ANK3: variants seen among roughly 807,000 people sequenced by gnomAD.
ANK3 encodes ankyrin-3.
Under a neutral mutation model 370.9 loss-of-function variants are expected in ANK3, and 57 were observed. That is an observed-to-expected ratio of 0.15 (90% CI 0.12 to 0.19). The LOEUF is 0.19. ANK3 is among the 10% of genes least tolerant of loss of function. The pLI is 1.00. For missense variants in ANK3, 4,439 were observed against 5,302.1 expected (o/e 0.84, Z 5.06); for synonymous variants, 1,929 against 1,946.3 (o/e 0.99, Z 0.23).
chr10:60,166,858 C>T lies in ANK3; in HGVS notation c.2517G>A (p.Thr839=), dbSNP rs374626133. The change falls in exon 22 of 44, where the codon ACG becomes ACA. Residue 839 remains threonine (T), a synonymous_variant. Coordinates refer to ENST00000280772, the MANE Select transcript of ANK3 (RefSeq NM_020987.5). The part of the protein sequence containing the change: ...TEKHKMNVPE[T]MNEVLDMSDD... Reference sequence around the variant, plus strand: ...CAGACATATCAAGAACTTCATTCATCGTTTCTGGAACATTCATTTTGTGCT... The same window carrying T: ...CAGACATATCAAGAACTTCATTCATTGTTTCTGGAACATTCATTTTGTGCT... The T allele has an allele frequency of 1.4e-5, 23 of 1,613,828 alleles. No homozygotes were observed. The highest frequency in any genetic ancestry group is 9.3e-5 in the African/African-American group (7 of 74,908).
At chr10:60,035,521 G>A (rs964528877) in intron 43 of ANK3, among the ~76,000 whole-genome samples, 13 of 151,764 alleles carry the variant, frequency 8.6e-5, no homozygotes, top group Non-Finnish European at 1.8e-4. Flanking sequence ...CCGAAGTGCT[G>A]GGATTACAGG....
intron 1 of ANK3, among the ~76,000 whole-genome samples, chr10:60,698,374 C>T (rs1174368673): frequency 6.6e-6 from 1 of 151,640 alleles, no homozygotes; most frequent in Non-Finnish European, 1.5e-5. Flanking sequence ...ACTAGAAATA[C>T]CATTTGACCC....
intron 11 of ANK3, among the ~76,000 whole-genome samples, chr10:60,204,451 C>T (rs1294833495): frequency 6.6e-6 from 1 of 152,094 alleles, no homozygotes; most frequent in East Asian, 1.9e-4. Context: ...AACAGGTTGC[C>T]TAATATGAAC....
At chr10:60,182,754 C>A (rs924875162) in intron 17 of ANK3, among the ~76,000 whole-genome samples, 3 of 152,120 alleles carry the variant, frequency 2.0e-5, no homozygotes, top group Non-Finnish European at 4.4e-5. Context: ...CAAGCTGGGA[C>A]TTTTTAATAA....
chr10:60,087,101 T>A (rs563661965), intron 29 of ANK3, among the ~76,000 whole-genome samples: 2 of 152,070 alleles, frequency 1.3e-5, no homozygotes, highest in African/African-American at 2.4e-5. Context: ...TCTGAGTATT[T>A]CCCCAGTAGA....
At chr10:60,616,783 C>A (rs2078273545) in intron 1 of ANK3, among the ~76,000 whole-genome samples, 2 of 152,158 alleles carry the variant, frequency 1.3e-5, no homozygotes, top group African/African-American at 4.8e-5. Context: ...AGGTCAAAAT[C>A]TATAGATTGC....
intron 2 of ANK3, among the ~76,000 whole-genome samples, chr10:60,416,350 AAAAT>A (rs2063668525): frequency 1.3e-5 from 2 of 152,236 alleles, no homozygotes; most frequent in African/African-American, 4.8e-5. Flanking sequence ...CATGTTAACC[AAAAT>A]AAGCCAGACA....
intron 2 of ANK3, among the ~76,000 whole-genome samples, chr10:60,412,056 G>C (rs532974931): frequency 3.5e-4 from 53 of 152,250 alleles, no homozygotes; most frequent in African/African-American, 1.3e-3. Context: ...GGCTCGTAGA[G>C]GGTATGTAAG....
In ANK3 at chr10:60,071,413, T is replaced by C. The variant is rs372920896; in HGVS notation, c.9468A>G (p.Val3156=). 3.1e-6 allele frequency: 5 copies of C among 1,614,014 alleles called. No individual in the cohort carries two copies. The highest frequency in any genetic ancestry group is 2.7e-5 in the African/African-American group (2 of 74,916). ...GSPEDDTLEQ[V]SFLDSSGKSP... ...TTTTCCCAGAGCTGTCTAGAAAGGA[T>C]ACTTGCTCTAGAGTATCATCTTCTG... Residue 3156 remains valine, a synonymous_variant, in exon 37 of 44, where the codon GTA becomes GTG. Transcript: ENST00000280772.
chr10:60,558,070 T>C (rs2077250809), intron 2 of ANK3, among the ~76,000 whole-genome samples: 1 of 152,134 alleles, frequency 6.6e-6, no homozygotes. Context: ...CTCCTAGGCC[T>C]TTGCACCTTC....
chr10:60,102,995 G>A (rs1436108902), intron 28 of ANK3, among the ~76,000 whole-genome samples: 1 of 151,946 alleles, frequency 6.6e-6, no homozygotes, highest in Non-Finnish European at 1.5e-5. Context: ...GCTGTCGTCA[G>A]GCTGGAGTGC....
In ANK3 at chr10:60,696,170, T is replaced by C. The variant is rs528906981; in HGVS notation, c.57+37093A>G. ...AATCTAGAAGTCATGGATAAATTCC[T>C]CGACACATACACTCTCCCAAGACTA... On this transcript the variant is annotated intron_variant, in intron 1 of 43. Transcript: ENST00000373827. Among the ~76,000 whole-genome samples the C allele has an allele frequency of 8.0e-3, 1,156 of 144,106 alleles. 10 individuals are homozygous for C. Among genetic ancestry groups the C allele is most frequent in the Middle Eastern group, 0.04 (11 of 274 alleles). 94.5% of individuals were successfully genotyped at this position (144,106 alleles called of 152,430 possible).
chr10:60,713,860 C>T (rs1325205921), intron 1 of ANK3, among the ~76,000 whole-genome samples: 2 of 149,310 alleles, frequency 1.3e-5, no homozygotes, highest in Non-Finnish European at 3.0e-5. Flanking sequence ...AGTGAGACTC[C>T]GTCTCAAAAA....
intron 2 of ANK3, among the ~76,000 whole-genome samples, chr10:60,602,463 G>A (rs1262681073): frequency 6.6e-6 from 1 of 152,116 alleles, no homozygotes; most frequent in Non-Finnish European, 1.5e-5. Context: ...CAGTTTGAGT[G>A]ACATATATCA....
intron 23 of ANK3, among the ~76,000 whole-genome samples, chr10:60,152,004 A>G (rs1269627694): frequency 7.0e-6 from 1 of 142,188 alleles, no homozygotes. Flanking sequence ...AGATTCAATC[A>G]TGGTAAATAC....
chr10:60,382,327 T>G (rs1296411600), intron 1 of ANK3, among the ~76,000 whole-genome samples: 1 of 152,206 alleles, frequency 6.6e-6, no homozygotes, highest in East Asian at 1.9e-4. Flanking sequence ...CCAGCAGATA[T>G]GAATGGTAGT....
At chr10:60,541,924 G>T (rs545333326) in intron 2 of ANK3, among the ~76,000 whole-genome samples, 148 of 152,020 alleles carry the variant, frequency 9.7e-4, no homozygotes, top group African/African-American at 3.3e-3. Context: ...AGTAGGCAAA[G>T]TTCCTTGTGG....
At chr10:60,615,811 C>A (rs1282741715) in intron 1 of ANK3, among the ~76,000 whole-genome samples, 2 of 152,070 alleles carry the variant, frequency 1.3e-5, no homozygotes, top group Non-Finnish European at 2.9e-5. Context: ...AAATAGAAAA[C>A]CAAGGATCTA....
Position 60,141,634 on chromosome 10 carries a change from C to T in ANK3, c.2615-2547G>A, listed in dbSNP as rs555222727. On this transcript the variant is annotated intron_variant, in intron 23 of 43. Transcript: ENST00000280772. Reference sequence around the variant, plus strand: ...CCCCGAGAATACCTGGAGAATTGGGCTCAAAAGTAAAGGGTTTAGAAACTG... The same window carrying T: ...CCCCGAGAATACCTGGAGAATTGGGTTCAAAAGTAAAGGGTTTAGAAACTG... Among the ~76,000 whole-genome samples the T allele has an allele frequency of 4.7e-4, 53 of 111,948 alleles. 1 individual carries two copies. Among genetic ancestry groups the T allele is most frequent in the Middle Eastern group, 0.018 (2 of 112 alleles). The allele number at this position is 111,948 out of a possible 152,430, so 73.4% of individuals were successfully genotyped here. A position where few individuals can be genotyped will look rare whatever the true frequency, so the allele number is the denominator to read the frequency against.
Sources: allele counts gnomAD v4.1 joint callset (sites outside exome capture counted in the v4.1 genomes callset), GRCh38; gene constraint gnomAD v4.1.1; transcripts MANE v1.5; gene names NCBI Gene and HGNC (gene_info 2026-07-23, HGNC 2026-07-21).